The following CD79A variants were observed in gnomAD, a reference collection of about 807,000 sequenced individuals.
CD79A encodes the protein CD79a molecule.
CD79A carries 16 observed loss-of-function variants against 27.4 expected under a neutral mutation model. The ratio of observed to expected loss-of-function variants is 0.58; its 90% confidence interval spans 0.40 to 0.89. The LOEUF (loss-of-function observed/expected upper bound fraction) is 0.89. CD79A is among the 40% of genes least tolerant of loss of function. The probability of loss-of-function intolerance (pLI) is 0.00; values close to 1 mark genes in which losing one functional copy is unlikely to be tolerated. For missense variants in CD79A, 237 were observed against 299.7 expected (o/e 0.79, Z 1.55); for synonymous variants, 110 against 132.7 (o/e 0.83, Z 1.18).
At position 41,881,316 on chromosome 19, in the gene CD79A, C is replaced by A; in HGVS notation, c.*336C>A. 3 of 468,340 alleles carry A rather than the reference C, an allele frequency of 6.4e-6. No homozygotes were observed. The highest frequency in any genetic ancestry group is 1.2e-5 in the Non-Finnish European group (3 of 252,316). 29.0% of individuals were successfully genotyped at this position (468,340 alleles called of 1,614,324 possible). A position where few individuals can be genotyped will look rare whatever the true frequency, so the allele number is the denominator to read the frequency against. ...ATTGTAGCAGCCTCGTTAGTGTCACCCCCTCCTCCCTGATCTGTCAGGGCC... is the reference window on the plus strand; with the variant it reads ...ATTGTAGCAGCCTCGTTAGTGTCACACCCTCCTCCCTGATCTGTCAGGGCC... On this transcript the variant is annotated 3_prime_UTR_variant, in exon 5 of 5. Transcript: ENST00000221972.
intron 3 of CD79A, 58 bp from the exon 4 acceptor site, chr19:41,880,612 C>T (rs1464341688): frequency 7.5e-7 from 1 of 1,330,086 alleles, no homozygotes; most frequent in Non-Finnish European, 1.1e-6. Context: ...CCAGGAGGGT[C>T]TGAAAGATAT....
Position 41,879,290 on chromosome 19 carries a change from G to T in CD79A, c.379+1G>T, listed in dbSNP as rs1555843601. On this transcript the variant is annotated splice_donor_variant, in intron 2 of 4. Coordinates refer to ENST00000221972, the MANE Select transcript of CD79A (RefSeq NM_001783.4). LOFTEE classifies it high-confidence loss of function. This position sits in a 1 kb window ranked among gnomAD's most constrained non-coding sequence, Gnocchi z 5.1. ...TGCGGCACCTACCTCCGCGTGCGCC[G>T]TGAGTGGCCCAGCCCTGGCCCCTAC... 1 of 1,611,436 alleles carries T rather than the reference G, an allele frequency of 6.2e-7. No homozygotes were observed. Among genetic ancestry groups the T allele is most frequent in the Admixed American group, 1.7e-5 (1 of 59,956 alleles).
rs1305526667 is a variant in CD79A, at chr19:41,877,892, A to G, written c.79+509A>G. Among the ~76,000 whole-genome samples, 1 of 152,154 alleles carries G rather than the reference A, an allele frequency of 6.6e-6. No homozygotes were observed. Among genetic ancestry groups the G allele is most frequent in the African/African-American group, 2.4e-5 (1 of 41,424 alleles). The stretch of plus-strand genomic sequence containing the variant: ...GGGGCTGTGGCCACGCTAACCCAGG[A>G]GTTCAGAGAAAAAGGTTCCCCACCC... On this transcript the variant is annotated intron_variant, in intron 1 of 4. Transcript: ENST00000221972. This position sits in a 1 kb window ranked among gnomAD's most constrained non-coding sequence, Gnocchi z 4.1.
chr19:41,879,431 G>A lies in CD79A; in HGVS notation c.380-104G>A, dbSNP rs781985262. 7 of 1,213,442 alleles carry A rather than the reference G, an allele frequency of 5.8e-6. No homozygotes were observed. In the African/African-American group the frequency reaches 9.0e-5, roughly 16 times the overall value. 75.2% of individuals were successfully genotyped at this position (1,213,442 alleles called of 1,614,324 possible). A position where few individuals can be genotyped will look rare whatever the true frequency, so the allele number is the denominator to read the frequency against. On this transcript the variant is annotated intron_variant, in intron 2 of 4. Transcript: ENST00000221972. The surrounding 1 kb of genome is among the most constrained non-coding windows in gnomAD (Gnocchi z 5.1). ...AGGGACGGACATTCTCCTCTGCAGA[G>A]TGGGGTCTCTGGGGGGTCTGGGGCC...
Position 41,877,467 on chromosome 19 carries a change from C to T in CD79A, c.79+84C>T. 8.8e-7 allele frequency: 1 copy of T among 1,136,470 alleles called. No homozygotes were observed. The highest frequency in any genetic ancestry group is 1.3e-6 in the Non-Finnish European group (1 of 747,240). The allele number at this position is 1,136,470 out of a possible 1,614,324, so 70.4% of individuals were successfully genotyped here. ...GAGGGCACAGGCAGAGGGAAGGGGG[C>T]TCAGGGAAAGGGGAAGAGGAGGCAG... On this transcript the variant is annotated intron_variant, in intron 1 of 4. Coordinates refer to ENST00000221972, the MANE Select transcript of CD79A (RefSeq NM_001783.4). The surrounding 1 kb of genome is among the most constrained non-coding windows in gnomAD (Gnocchi z 4.1).
chr19:41,880,019 G>A (rs1296097139), intron 3 of CD79A, among the ~76,000 whole-genome samples: 1 of 152,102 alleles, frequency 6.6e-6, no homozygotes, highest in Non-Finnish European at 1.5e-5. Context: ...GGTCCTCCCA[G>A]AATCTCTGAT....
chr19:41,880,451 G>GGGAAGGAAGGAAGGAAGGAA (rs782467863), intron 3 of CD79A, among the ~76,000 whole-genome samples: 4 of 102,516 alleles, frequency 3.9e-5, no homozygotes, highest in African/African-American at 1.5e-4. Flanking sequence ...AGGAAGGGAA[G>GGGAAGGAAGGAAGGAAGGAA]GGAAGGAAGG....
chr19:41,880,420 AGG>A (rs1204193322), intron 3 of CD79A, among the ~76,000 whole-genome samples: 7 of 123,048 alleles, frequency 5.7e-5, no homozygotes, highest in East Asian at 2.7e-4. Flanking sequence ...AGAGAGAGAG[AGG>A]GCGAGAGGGA....
chr19:41,877,497 T>C lies in CD79A; in HGVS notation c.79+114T>C. The C allele has an allele frequency of 1.2e-6, 1 of 867,604 alleles. No individual in the cohort carries two copies. The highest frequency in any genetic ancestry group is 1.9e-6 in the Non-Finnish European group (1 of 519,180). The allele number at this position is 867,604 out of a possible 1,614,324, so 53.7% of individuals were successfully genotyped here. A position where few individuals can be genotyped will look rare whatever the true frequency, so the allele number is the denominator to read the frequency against. ...GGAAAGGGGAAGAGGAGGCAGAGGA[T>C]AGGGGACCCAGGGAAGATGCCTATA... On this transcript the variant is annotated intron_variant, in intron 1 of 4. Coordinates refer to ENST00000221972, the MANE Select transcript of CD79A (RefSeq NM_001783.4). The surrounding 1 kb of genome is among the most constrained non-coding windows in gnomAD (Gnocchi z 4.1).
chr19:41,878,966 C>T lies in CD79A; in HGVS notation c.80-24C>T. The T allele has an allele frequency of 1.3e-6, 1 of 767,172 alleles. No homozygotes were observed. The highest frequency in any genetic ancestry group is 2.2e-6 in the Non-Finnish European group (1 of 460,250). 47.5% of individuals were successfully genotyped at this position (767,172 alleles called of 1,614,324 possible). ...ATGTGTCACCATCCCCAGTCCCTGA[C>T]CCACCCACCCTGTCTCTCCACAGGC... On this transcript the variant is annotated intron_variant, in intron 1 of 4. Transcript: ENST00000221972. The surrounding 1 kb of genome is among the most constrained non-coding windows in gnomAD (Gnocchi z 4.3).
Position 41,881,102 on chromosome 19 carries a change from G to A in CD79A, c.*122G>A. On this transcript the variant is annotated 3_prime_UTR_variant, in exon 5 of 5. Transcript: ENST00000221972. ...GGGCTTCCTTAGTCATATTCCCCCA[G>A]TGGGGGGTGGGAGGGTAACCTCACT... is the stretch of plus-strand genomic sequence containing the variant. 1 of 734,324 alleles carries A rather than the reference G, an allele frequency of 1.4e-6. No individual in the cohort carries two copies. The highest frequency in any genetic ancestry group is 2.4e-6 in the Non-Finnish European group (1 of 417,072). The allele number at this position is 734,324 out of a possible 1,614,324, so 45.5% of individuals were successfully genotyped here.
At position 41,880,735 on chromosome 19, in the gene CD79A, T is replaced by A; in HGVS notation, c.564T>A (p.Tyr188Ter). ...AGDEYEDENLYEGLNLDDCSM... is the reference protein window; with the variant it reads ...AGDEYEDENL ...ATGAATATGAAGATGAAAACCTTTA[T>A]GAAGTGAGTGAAGGGTGGGGATGGG... The change falls in exon 4 of 5, where the codon TAT becomes TAA. Residue 188 changes from tyrosine to a stop codon, truncating the protein, a stop_gained. Transcript: ENST00000221972. LOFTEE classifies it high-confidence loss of function. 6.6e-7 allele frequency: 1 copy of A among 1,518,164 alleles called. No individual in the cohort carries two copies. 94.0% of individuals were successfully genotyped at this position (1,518,164 alleles called of 1,614,324 possible).
Position 41,879,368 on chromosome 19 carries a change from C to T in CD79A, c.379+79C>T. On this transcript the variant is annotated intron_variant, in intron 2 of 4. Transcript: ENST00000221972. This position sits in a 1 kb window ranked among gnomAD's most constrained non-coding sequence, Gnocchi z 5.1. Reference sequence around the variant, plus strand: ...TTTATCTTTGAAGTGGGGATAGAGCCAGTACCTTCAATGTGGGTTTCAAAC... The same window carrying T: ...TTTATCTTTGAAGTGGGGATAGAGCTAGTACCTTCAATGTGGGTTTCAAAC... 4.3e-6 allele frequency: 6 copies of T among 1,407,416 alleles called. No homozygotes were observed. The highest frequency in any genetic ancestry group is 5.9e-6 in the Non-Finnish European group (6 of 1,019,708). 87.2% of individuals were successfully genotyped at this position (1,407,416 alleles called of 1,614,324 possible).
In CD79A at chr19:41,878,959, TCCCTG is replaced by T; in HGVS notation, c.80-30_80-26del. 7 of 1,247,602 alleles carry T rather than the reference TCCCTG, an allele frequency of 5.6e-6. No homozygotes were observed. Among genetic ancestry groups the T allele is most frequent in the African/African-American group, 2.9e-5 (2 of 67,814 alleles). The allele number at this position is 1,247,602 out of a possible 1,614,324, so 77.3% of individuals were successfully genotyped here. ...TGGGGAAATGTGTCACCATCCCCAG[TCCCTG>T]ACCCACCCACCCTGTCTCTCCACAG... is the stretch of plus-strand genomic sequence containing the variant. On this transcript the variant is annotated intron_variant, in intron 1 of 4. Coordinates refer to ENST00000221972, the MANE Select transcript of CD79A (RefSeq NM_001783.4). This position sits in a 1 kb window ranked among gnomAD's most constrained non-coding sequence, Gnocchi z 4.3.
intron 3 of CD79A, among the ~76,000 whole-genome samples, chr19:41,880,263 C>T (rs1020013025): frequency 2.6e-5 from 4 of 151,890 alleles, no homozygotes; most frequent in African/African-American, 9.7e-5. Flanking sequence ...CACCTATAGT[C>T]CCAGCTACTC....
intron 4 of CD79A, 62 bp from the exon 5 acceptor site, chr19:41,880,805 G>T (rs1479004526): frequency 7.8e-5 from 117 of 1,501,954 alleles, no homozygotes; most frequent in Non-Finnish European, 1.1e-4. Context: ...CTCTGGGGGT[G>T]GCTGGGGGCA....
rs541746069 is a variant in CD79A at position 41,879,739 on chromosome 19, G to T, written c.498+86G>T. The T allele has an allele frequency of 4.7e-5, 40 of 848,594 alleles. No homozygotes were observed. In the East Asian group the frequency reaches 9.4e-4, roughly 20 times the overall value. 52.6% of individuals were successfully genotyped at this position (848,594 alleles called of 1,614,324 possible). The stretch of plus-strand genomic sequence containing the variant: ...ACCCAGGTAGCCCTCTAGAGCCTGA[G>T]GTTCCCCATCCAAAACTTGGGAGAA... On this transcript the variant is annotated intron_variant, in intron 3 of 4. Transcript: ENST00000221972. The surrounding 1 kb of genome is among the most constrained non-coding windows in gnomAD (Gnocchi z 5.1).
At position 41,879,179 on chromosome 19, in the gene CD79A, C is replaced by A. The variant is rs137953079; in HGVS notation, c.269C>A (p.Thr90Lys). 3.7e-6 allele frequency: 6 copies of A among 1,613,954 alleles called. No homozygotes were observed. Among genetic ancestry groups the A allele is most frequent in the Non-Finnish European group, 5.1e-6 (6 of 1,179,994 alleles). Residue 90 changes from threonine (T) to lysine (K), a missense_variant, in exon 2 of 5, where the codon ACG (threonine) becomes AAG (lysine). By Grantham distance (78) the Thr-to-Lys change is moderately conservative. Transcript: ENST00000221972. This position sits in a 1 kb window ranked among gnomAD's most constrained non-coding sequence, Gnocchi z 5.1. ...FLGPGEDPNG[T>K]LIIQNVNKSH... ...GGCCCGGGCGAGGACCCCAATGGTA[C>A]GCTGATCATCCAGAATGTGAACAAG...
rs550589218 is a variant in CD79A, at chr19:41,880,942, A to G, written c.643A>G (p.Ser215Gly). The change falls in exon 5 of 5, where the codon AGC becomes GGC. Residue 215 changes from serine (S) to glycine (G), a missense_variant. Coordinates refer to ENST00000221972, the MANE Select transcript of CD79A (RefSeq NM_001783.4). ...CCAGGGCACCTACCAGGATGTGGGC[A>G]GCCTCAACATAGGAGATGTCCAGCT... is the stretch of plus-strand genomic sequence containing the variant. ...GLQGTYQDVG[S>G]LNIGDVQLEK... The G allele has an allele frequency of 6.1e-5, 98 of 1,596,668 alleles. No homozygotes were observed. The South Asian group carries it at 1.0e-3, about 16-fold the overall frequency.
Sources: allele counts gnomAD v4.1 joint callset (sites outside exome capture counted in the v4.1 genomes callset), GRCh38; gene constraint gnomAD v4.1.1; non-coding constraint Gnocchi (gnomAD v3.1); transcripts MANE v1.5; gene names NCBI Gene and HGNC (gene_info 2026-07-23, HGNC 2026-07-21).